The following SLCO1C1 variants were observed in gnomAD, a reference collection of about 807,000 sequenced individuals.
SLCO1C1 encodes the protein solute carrier organic anion transporter family member 1C1.
Under a neutral mutation model 76.4 loss-of-function variants are expected in SLCO1C1, and 70 were observed. That is an observed-to-expected ratio of 0.92 (90% confidence interval 0.76 to 1.12). The LOEUF is 1.12. Among genes scored for constraint, SLCO1C1 ranks in the 50% most tolerant of loss-of-function variants. SLCO1C1 has a pLI of 0.00. For missense variants in SLCO1C1, 912 were observed against 823.8 expected, an observed-to-expected ratio of 1.11 and a Z score of -1.31; for synonymous variants, 306 against 286.1, an observed-to-expected ratio of 1.07 and a Z score of -0.70.
chr12:20,706,937 T>C (rs1946808403), intron 4 of SLCO1C1, among the ~76,000 whole-genome samples: 1 of 152,180 alleles, frequency 6.6e-6, no homozygotes, highest in Admixed American at 6.5e-5. Context: ...AGTGATACTT[T>C]ATTGTCCACT....
chr12:20,740,515 C>T (rs914050415), intron 12 of SLCO1C1, 147 bp downstream of exon 12: 9 of 677,936 alleles, frequency 1.3e-5, no homozygotes, highest in Admixed American at 7.1e-5. Flanking sequence ...TTATATATAT[C>T]GCACTTTGGG....
At chr12:20,697,003 T>A (rs775444599) in intron 1 of SLCO1C1, 1 of 152,094 alleles carries the variant, frequency 6.6e-6, no homozygotes, top group Non-Finnish European at 1.5e-5. Context: ...ACTTTTGAAT[T>A]TTAGTTACAG....
chr12:20,713,078 G>GTT (rs1214294391), intron 5 of SLCO1C1, among the ~76,000 whole-genome samples: 1 of 99,504 alleles, frequency 1.0e-5, no homozygotes, highest in Non-Finnish European at 2.0e-5. Context: ...CAGGGAAGAT[G>GTT]TTTTCTTTTT....
chr12:20,720,928 C>T (rs1047088360), intron 7 of SLCO1C1, among the ~76,000 whole-genome samples: 5 of 129,908 alleles, frequency 3.8e-5, no homozygotes, highest in South Asian at 2.6e-4. Context: ...ACCCGGGAGG[C>T]GGAGGTTGTG....
At chr12:20,712,827 C>T (rs1475112747) in intron 5 of SLCO1C1, among the ~76,000 whole-genome samples, 1 of 151,978 alleles carries the variant, frequency 6.6e-6, no homozygotes, top group African/African-American at 2.4e-5. Flanking sequence ...GAGGAAAGCA[C>T]AGAAATGTAA....
chr12:20,742,559 A>G (rs1353505045), intron 12 of SLCO1C1, among the ~76,000 whole-genome samples: 1 of 145,328 alleles, frequency 6.9e-6, no homozygotes, highest in East Asian at 2.1e-4. Flanking sequence ...TTTTAGATGG[A>G]GTCTCGCTCT....
intron 13 of SLCO1C1, among the ~76,000 whole-genome samples, chr12:20,744,311 G>A (rs1418702048): frequency 6.6e-6 from 1 of 152,050 alleles, no homozygotes; most frequent in Non-Finnish European, 1.5e-5. Flanking sequence ...AGCAAAAATT[G>A]TTCCAACATA....
intron 1 of SLCO1C1, among the ~76,000 whole-genome samples, chr12:20,696,338 A>G (rs986856835): frequency 6.6e-6 from 1 of 152,036 alleles, no homozygotes; most frequent in African/African-American, 2.4e-5. Context: ...GATGGCCAAG[A>G]GAAGAGAGGG....
At position 20,737,287 on chromosome 12, in the gene SLCO1C1, C is replaced by G. The variant is rs898356241; in HGVS notation, c.1548+15C>G. 1.9e-6 allele frequency: 3 copies of G among 1,551,014 alleles called. No homozygotes were observed. Among genetic ancestry groups the G allele is most frequent in the Non-Finnish European group, 1.7e-6 (2 of 1,158,128 alleles). ...GAAAAAATATTGTAAGAAATCACCT[C>G]TCAAGTATATGGCGATGGTCCTGTT... On this transcript the variant is annotated intron_variant, in intron 11 of 14. Coordinates refer to ENST00000266509, the MANE Select transcript of SLCO1C1 (RefSeq NM_017435.5).
chr12:20,705,452 T>C (rs188700693), intron 3 of SLCO1C1, among the ~76,000 whole-genome samples: 2 of 152,056 alleles, frequency 1.3e-5, no homozygotes, highest in Non-Finnish European at 2.9e-5. Flanking sequence ...TTTGTGTACA[T>C]GTGTTTCATC....
At chr12:20,712,373 T>G (rs1947150620) in intron 5 of SLCO1C1, among the ~76,000 whole-genome samples, 1 of 151,992 alleles carries the variant, frequency 6.6e-6, no homozygotes, top group African/African-American at 2.4e-5. Flanking sequence ...TGAAGTAGAG[T>G]CTTGCCTCCT....
intron 13 of SLCO1C1, among the ~76,000 whole-genome samples, chr12:20,750,377 G>C (rs1003876629): frequency 6.6e-6 from 1 of 152,160 alleles, no homozygotes; most frequent in Admixed American, 6.5e-5. Flanking sequence ...CTGCTTTAAT[G>C]ACTGGGCTTC....
At chr12:20,752,135 A>G (rs1371944087) in intron 14 of SLCO1C1, among the ~76,000 whole-genome samples, 171 bp from the exon 15 acceptor site, 1 of 152,178 alleles carries the variant, frequency 6.6e-6, no homozygotes, top group East Asian at 1.9e-4. Flanking sequence ...ACATTGCTTT[A>G]TTTTATAAAC....
intron 9 of SLCO1C1, among the ~76,000 whole-genome samples, chr12:20,723,515 GTCTTT>G (rs1279593329): frequency 6.6e-6 from 1 of 152,058 alleles, no homozygotes; most frequent in Admixed American, 6.6e-5. Flanking sequence ...CTGGATATTT[GTCTTT>G]TAAGTGCAGC....
intron 11 of SLCO1C1, 36 bp from the exon 12 acceptor site, chr12:20,740,148 A>T: frequency 3.9e-6 from 6 of 1,542,522 alleles, no homozygotes; most frequent in Non-Finnish European, 4.4e-6. Flanking sequence ...TTTAAATGTT[A>T]CTGAAATAAT....
At chr12:20,732,521 A>G (rs1948330472) in intron 9 of SLCO1C1, among the ~76,000 whole-genome samples, 1 of 152,248 alleles carries the variant, frequency 6.6e-6, no homozygotes, top group African/African-American at 2.4e-5. Context: ...GGCAGAAAAT[A>G]GAAACCAAGA....
At position 20,711,408 on chromosome 12, in the gene SLCO1C1, C is replaced by A. The variant is rs36010656; in HGVS notation, c.427C>A (p.Pro143Thr). Residue 143 changes from proline (P) to threonine (T), a missense_variant, in exon 5 of 15, where the codon CCT (proline) becomes ACT (threonine). Transcript: ENST00000266509. ...MEQYKYERYSPSSNSTLSISP... is the reference protein window; with the variant it reads ...MEQYKYERYSTSSNSTLSISP... ...CAGGTACAAATATGAGAGATATTCT[C>A]CTTCCTCCAATTCCACTCTCAGCAT... The A allele has an allele frequency of 0.044, 70,343 of 1,610,402 alleles. 1,860 individuals carry two copies. The highest frequency in any genetic ancestry group is 0.052 in the Non-Finnish European group (61,319 of 1,176,858).
intron 1 of SLCO1C1, 26 bp from the exon 2 acceptor site, chr12:20,699,526 T>TA: frequency 6.6e-7 from 1 of 1,523,808 alleles, no homozygotes; most frequent in Non-Finnish European, 8.8e-7. Flanking sequence ...TTTATTTATT[T>TA]TTACTTTAAA....
At chr12:20,750,336 G>A (rs1242131283) in intron 13 of SLCO1C1, among the ~76,000 whole-genome samples, 4 of 152,164 alleles carry the variant, frequency 2.6e-5, no homozygotes, top group Non-Finnish European at 5.9e-5. Flanking sequence ...CCAGAGAGAG[G>A]AGAAAGAAGG....
Sources: allele counts gnomAD v4.1 joint callset (sites outside exome capture counted in the v4.1 genomes callset), GRCh38; gene constraint gnomAD v4.1.1; transcripts MANE v1.5; gene names NCBI Gene and HGNC (gene_info 2026-07-23, HGNC 2026-07-21).